The following BCL2 variants were observed in gnomAD, a reference collection of about 807,000 sequenced individuals.
BCL2 encodes BCL2 apoptosis regulator, also known as apoptosis regulator Bcl-2.
A neutral mutation model predicts 14.2 loss-of-function variants in BCL2; 1 was observed. The ratio of observed to expected loss-of-function variants is 0.07; its 90% CI spans 0.02 to 0.33. The LOEUF (loss-of-function observed/expected upper bound fraction) is 0.33, where lower values mean the gene tolerates loss of function less well. Ranked by LOEUF, BCL2 falls within the 10% of genes least tolerant of loss-of-function variation. The probability of loss-of-function intolerance (pLI) is 0.99; values close to 1 mark genes in which losing one functional copy is unlikely to be tolerated. For missense variants in BCL2, 247 were observed against 305.9 expected (o/e 0.81, Z 1.44); for synonymous variants, 151 against 137.2 (o/e 1.10, Z -0.70).
intron 2 of BCL2, among the ~76,000 whole-genome samples, chr18:63,213,163 T>C (rs556190218): frequency 1.6e-4 from 24 of 152,162 alleles, no homozygotes; most frequent in Non-Finnish European, 3.5e-4. Context: ...GGTTTCAGAT[T>C]CTCCAATAAA....
intron 2 of BCL2, among the ~76,000 whole-genome samples, chr18:63,151,623 A>G (rs1282572395): frequency 6.6e-6 from 1 of 152,194 alleles, no homozygotes; most frequent in Non-Finnish European, 1.5e-5. Flanking sequence ...ATCTCATGGA[A>G]AAGATAATTT....
intron 2 of BCL2, among the ~76,000 whole-genome samples, chr18:63,206,779 G>A (rs1226142956): frequency 6.6e-6 from 1 of 152,146 alleles, no homozygotes; most frequent in East Asian, 1.9e-4. Context: ...GGTGGGAAGA[G>A]CACAGTGGGA....
intron 2 of BCL2, among the ~76,000 whole-genome samples, chr18:63,218,863 C>T (rs1910301667): frequency 1.4e-5 from 2 of 146,366 alleles, no homozygotes; most frequent in Admixed American, 7.0e-5. Context: ...GTTCTCTCCA[C>T]CTTGGCCCTT....
chr18:63,145,892 G>C (rs1914498100), intron 2 of BCL2, among the ~76,000 whole-genome samples: 1 of 152,140 alleles, frequency 6.6e-6, no homozygotes, highest in African/African-American at 2.4e-5. Context: ...CCTGCTCTGT[G>C]GGGTAGCTGA....
intron 2 of BCL2, among the ~76,000 whole-genome samples, chr18:63,308,167 T>C (rs1390767879): frequency 1.3e-5 from 2 of 152,226 alleles, no homozygotes; most frequent in African/African-American, 4.8e-5. Context: ...GTGGTCTTCT[T>C]GTTGAGCAGT....
chr18:63,252,019 T>C (rs2144209679), intron 2 of BCL2, among the ~76,000 whole-genome samples: 1 of 152,314 alleles, frequency 6.6e-6, no homozygotes, highest in Non-Finnish European at 1.5e-5. Context: ...ATTTTATATC[T>C]GATTGTCAAG....
chr18:63,317,099 T>C (rs1048330523), intron 2 of BCL2: 1 of 152,174 alleles, frequency 6.6e-6, no homozygotes, highest in African/African-American at 2.4e-5. Flanking sequence ...GAAAGCTCTA[T>C]CTAGCACAGT....
At chr18:63,212,935 G>A (rs1253652027) in intron 2 of BCL2, among the ~76,000 whole-genome samples, 1 of 152,174 alleles carries the variant, frequency 6.6e-6, no homozygotes, top group African/African-American at 2.4e-5. Context: ...GAAAGAGACT[G>A]CAGGAAAGGA....
intron 2 of BCL2, among the ~76,000 whole-genome samples, chr18:63,274,265 T>C (rs1276591603): frequency 6.6e-6 from 1 of 150,542 alleles, no homozygotes; most frequent in Non-Finnish European, 1.5e-5. Flanking sequence ...GTCAAGCTTT[T>C]ATAAAGATAC....
chr18:63,231,750 C>T (rs1439935872), intron 2 of BCL2, among the ~76,000 whole-genome samples: 1 of 151,986 alleles, frequency 6.6e-6, no homozygotes, highest in Non-Finnish European at 1.5e-5. Flanking sequence ...TCCACAATTT[C>T]AACATCAAAT....
At chr18:63,240,884 C>G (rs1350988474) in intron 2 of BCL2, among the ~76,000 whole-genome samples, 1 of 152,168 alleles carries the variant, frequency 6.6e-6, no homozygotes, top group Non-Finnish European at 1.5e-5. Flanking sequence ...CTTTACATTC[C>G]CCAGCGTCAT....
intron 2 of BCL2, among the ~76,000 whole-genome samples, chr18:63,289,155 A>G (rs1912562789): frequency 1.3e-5 from 2 of 152,174 alleles, no homozygotes; most frequent in South Asian, 4.1e-4. Flanking sequence ...ACAACTTAGA[A>G]AACAGCCCCG....
intron 2 of BCL2, among the ~76,000 whole-genome samples, chr18:63,271,225 C>T (rs1273484416): frequency 6.6e-5 from 10 of 152,262 alleles, no homozygotes; most frequent in African/African-American, 2.2e-4. Context: ...AAATTAGGCA[C>T]TCTTCCTCTT....
At chr18:63,220,691 T>C (rs1300645795) in intron 2 of BCL2, among the ~76,000 whole-genome samples, 6 of 152,154 alleles carry the variant, frequency 3.9e-5, no homozygotes, top group South Asian at 4.1e-4. Context: ...ATTCATCATA[T>C]GGTGCTAATG....
intron 2 of BCL2, among the ~76,000 whole-genome samples, chr18:63,192,971 T>C (rs1040930936): frequency 2.6e-5 from 4 of 152,240 alleles, no homozygotes; most frequent in African/African-American, 7.2e-5. Context: ...ACTTGTTTCA[T>C]GTATGAAGAG....
intron 2 of BCL2, among the ~76,000 whole-genome samples, chr18:63,305,947 C>T (rs758033202): frequency 1.3e-5 from 2 of 151,888 alleles, no homozygotes; most frequent in Non-Finnish European, 2.9e-5. Flanking sequence ...TGGTGGCATG[C>T]ACCTGTAGTC....
intron 2 of BCL2, among the ~76,000 whole-genome samples, chr18:63,231,893 TG>T (rs913303018): frequency 1.3e-5 from 2 of 151,972 alleles, no homozygotes; most frequent in African/African-American, 2.4e-5. Flanking sequence ...AAGAATAATA[TG>T]GGGACTTGTC....
At chr18:63,152,712 C>A (rs1281546181) in intron 2 of BCL2, among the ~76,000 whole-genome samples, 2 of 152,202 alleles carry the variant, frequency 1.3e-5, no homozygotes, top group African/African-American at 4.8e-5. Context: ...GTCCTCAGTG[C>A]CTACTAGAGC....
Position 63,312,873 on chromosome 18 carries a change from GTCT to G in BCL2, c.585+5206_585+5208del, listed in dbSNP as rs1240970172. On this transcript the variant is annotated intron_variant, in intron 2 of 2. Coordinates refer to ENST00000333681, the MANE Select transcript of BCL2 (RefSeq NM_000633.3). Reference sequence around the variant, plus strand: ...GAAATTGTAGACTGGTGTTTATTAAGTCTTCTTAGTATGCATAAATAGTGCTTA... The same window carrying G: ...GAAATTGTAGACTGGTGTTTATTAAGTCTTAGTATGCATAAATAGTGCTTA... Among the ~76,000 whole-genome samples the G allele has an allele frequency of 6.6e-5, 10 of 152,304 alleles. No homozygotes were observed. The East Asian group carries it at 1.9e-3, about 29-fold the overall frequency.
Sources: gnomAD v4.1 joint callset for allele counts (sites outside exome capture counted in the v4.1 genomes callset) on GRCh38, gnomAD v4.1.1 for gene constraint, MANE v1.5 for transcripts, NCBI Gene and HGNC (gene_info 2026-07-23, HGNC 2026-07-21) for gene names.